Variants in DACH1 observed in about 807,000 individuals in gnomAD.
DACH1 encodes the protein dachshund homolog 1.
A neutral mutation model predicts 54.2 loss-of-function variants in DACH1; 12 were observed. That is an observed-to-expected ratio of 0.22 (90% confidence interval 0.14 to 0.36). The LOEUF is 0.36. Among genes scored for constraint, DACH1 ranks in the 10% least tolerant of loss-of-function variants. The pLI is 1.00. For synonymous variants in DACH1, 386 were observed against 366.2 expected (o/e 1.05, Z -0.62); for missense variants, 805 against 929.8 (o/e 0.87, Z 1.75).
intron 1 of DACH1, among the ~76,000 whole-genome samples, chr13:71,806,241 T>C (rs1031870987): frequency 2.0e-5 from 3 of 152,212 alleles, no homozygotes; most frequent in Non-Finnish European, 4.4e-5. Context: ...GGAAATGTCG[T>C]TCTAGATTAT....
intron 2 of DACH1, among the ~76,000 whole-genome samples, chr13:71,679,849 G>T (rs1056444779): frequency 6.7e-6 from 1 of 149,904 alleles, no homozygotes; most frequent in Admixed American, 6.7e-5. Flanking sequence ...GGGCGTAGTG[G>T]CACATGCCCG....
intron 6 of DACH1, among the ~76,000 whole-genome samples, chr13:71,500,909 A>G (rs1385219223): frequency 6.6e-6 from 1 of 152,026 alleles, no homozygotes; most frequent in Non-Finnish European, 1.5e-5. Flanking sequence ...TCAGTTTCCA[A>G]TCTGACTCTG....
chr13:71,620,640 T>A, intron 3 of DACH1, among the ~76,000 whole-genome samples: 1 of 152,040 alleles, frequency 6.6e-6, no homozygotes. Flanking sequence ...TTAATTTACA[T>A]ATACTTACAT....
At chr13:71,521,544 T>C (rs764842724) in intron 6 of DACH1, among the ~76,000 whole-genome samples, 9 of 152,114 alleles carry the variant, frequency 5.9e-5, no homozygotes, top group Middle Eastern at 3.4e-3. Context: ...TTCAAAATGA[T>C]TCTTCAGTCT....
intron 3 of DACH1, among the ~76,000 whole-genome samples, chr13:71,580,786 C>T (rs1031630286): frequency 9.2e-5 from 14 of 152,054 alleles, no homozygotes; most frequent in African/African-American, 2.9e-4. Context: ...ACTTTATCTG[C>T]TCATCTCTTC....
intron 2 of DACH1, among the ~76,000 whole-genome samples, chr13:71,642,135 C>T (rs567241912): frequency 9.2e-5 from 14 of 152,254 alleles, no homozygotes; most frequent in African/African-American, 2.9e-4. Context: ...TCATTTTAGA[C>T]GCAATGTCTG....
chr13:71,487,533 G>T (rs1593773167), intron 7 of DACH1, among the ~76,000 whole-genome samples: 1 of 152,180 alleles, frequency 6.6e-6, no homozygotes, highest in Non-Finnish European at 1.5e-5. Flanking sequence ...GAGAGGATTT[G>T]ACTTTGAAAT....
intron 6 of DACH1, among the ~76,000 whole-genome samples, chr13:71,496,897 T>C (rs1879488136): frequency 6.6e-6 from 1 of 152,220 alleles, no homozygotes; most frequent in Non-Finnish European, 1.5e-5. Flanking sequence ...TTTTACTTAA[T>C]GCCCATTCTT....
At chr13:71,531,103 CTT>C (rs961552873) in intron 6 of DACH1, among the ~76,000 whole-genome samples, 1 of 152,006 alleles carries the variant, frequency 6.6e-6, no homozygotes, top group African/African-American at 2.4e-5. Flanking sequence ...ATAGCTTCCT[CTT>C]GTTAGATACT....
At chr13:71,468,954 C>T (rs1190253830) in intron 10 of DACH1, among the ~76,000 whole-genome samples, 1 of 152,066 alleles carries the variant, frequency 6.6e-6, no homozygotes, top group African/African-American at 2.4e-5. Context: ...GTTGGCAGTA[C>T]ACTGTTTTGG....
intron 1 of DACH1, among the ~76,000 whole-genome samples, chr13:71,820,248 C>T (rs1315618540): frequency 6.6e-6 from 1 of 152,030 alleles, no homozygotes; most frequent in Admixed American, 6.6e-5. Flanking sequence ...GCTGGGTCTG[C>T]CAAGGGGTTT....
chr13:71,799,574 G>C (rs1224421953), intron 1 of DACH1, among the ~76,000 whole-genome samples: 1 of 152,104 alleles, frequency 6.6e-6, no homozygotes, highest in East Asian at 1.9e-4. Context: ...AACCGAGACA[G>C]ATAGCACATA....
chr13:71,653,785 A>AT (rs1878850287), intron 2 of DACH1, among the ~76,000 whole-genome samples: 1 of 152,104 alleles, frequency 6.6e-6, no homozygotes, highest in African/African-American at 2.4e-5. Flanking sequence ...TATTTTCTTT[A>AT]TTTTTTAATG....
intron 1 of DACH1, among the ~76,000 whole-genome samples, chr13:71,719,956 G>T (rs1046446517): frequency 6.6e-6 from 1 of 152,078 alleles, no homozygotes; most frequent in Admixed American, 6.6e-5. Flanking sequence ...TTATCTTTTT[G>T]GTTCAATATT....
intron 1 of DACH1, among the ~76,000 whole-genome samples, chr13:71,808,625 C>G (rs1887600202): frequency 6.6e-6 from 1 of 152,098 alleles, no homozygotes; most frequent in Non-Finnish European, 1.5e-5. Flanking sequence ...GTCATTTGGT[C>G]ATTGATTTCA....
intron 1 of DACH1, among the ~76,000 whole-genome samples, chr13:71,731,670 A>G (rs533951207): frequency 3.5e-4 from 53 of 152,276 alleles, no homozygotes; most frequent in Non-Finnish European, 7.2e-4. Flanking sequence ...CAAATCGTAG[A>G]CTAGACTCCG....
chr13:71,647,309 A>C (rs1878352304), intron 2 of DACH1, among the ~76,000 whole-genome samples: 1 of 152,164 alleles, frequency 6.6e-6, no homozygotes, highest in African/African-American at 2.4e-5. Flanking sequence ...TTGAAAACAT[A>C]CCAGTCCTTG....
At chr13:71,715,336 C>G (rs1433550878) in intron 1 of DACH1, among the ~76,000 whole-genome samples, 1 of 151,752 alleles carries the variant, frequency 6.6e-6, no homozygotes, top group African/African-American at 2.4e-5. Context: ...GTGCTATAGC[C>G]AATAAAACTT....
At chr13:71,483,093 C>G (rs1163960211) in intron 7 of DACH1, among the ~76,000 whole-genome samples, 1 of 151,776 alleles carries the variant, frequency 6.6e-6, no homozygotes. Flanking sequence ...TGAGACATGG[C>G]GCCCGGCCCA....
Sources: gnomAD v4.1 joint callset for allele counts (sites outside exome capture counted in the v4.1 genomes callset) on GRCh38, gnomAD v4.1.1 for gene constraint, MANE v1.5 for transcripts, NCBI Gene and HGNC (gene_info 2026-07-23, HGNC 2026-07-21) for gene names.